BAZ1A: variants seen among roughly 807,000 people sequenced by gnomAD.
The protein encoded by BAZ1A is bromodomain adjacent to zinc finger domain protein 1A.
In BAZ1A, 50 loss-of-function variants were observed where a neutral mutation model predicts 185.2. That is an observed-to-expected ratio of 0.27 (90% CI 0.22 to 0.34). The LOEUF is 0.34. BAZ1A is among the 10% of genes least tolerant of loss of function. The pLI is 1.00. For missense variants in BAZ1A, 1,356 were observed against 1,839.9 expected, an observed-to-expected ratio of 0.74 and a Z score of 4.81; for synonymous variants, 571 against 615.6, an observed-to-expected ratio of 0.93 and a Z score of 1.07.
chr14:34,874,402 G>A lies in BAZ1A; in HGVS notation c.113+90C>T, dbSNP rs149876559. 7.0e-4 allele frequency: 895 copies of A among 1,286,212 alleles called. 7 individuals are homozygous for A. In the African/African-American group the frequency reaches 0.011, roughly 16 times the overall value. 79.7% of individuals were successfully genotyped at this position (1,286,212 alleles called of 1,614,324 possible). ...TCACTTTCAAGTCGCCCCGCCAGAA[G>A]CCCAGGGCGAGGAAAAGGAGAGAGA... On this transcript the variant is annotated intron_variant, in intron 2 of 26. Transcript: ENST00000360310. This position sits in a 1 kb window ranked among gnomAD's most constrained non-coding sequence, Gnocchi z 4.7.
At chr14:34,762,326 T>C in intron 23 of BAZ1A, 103 bp from the exon 24 acceptor site, 1 of 1,101,830 alleles carries the variant, frequency 9.1e-7, no homozygotes, top group Non-Finnish European at 1.3e-6. Flanking sequence ...TTATACAAAT[T>C]TTCTATATAA....
chr14:34,792,148 C>G (rs1009359583), intron 12 of BAZ1A, among the ~76,000 whole-genome samples: 1 of 152,176 alleles, frequency 6.6e-6, no homozygotes, highest in African/African-American at 2.4e-5. Flanking sequence ...CTTTGGGAGG[C>G]CAAGGCGGGT....
chr14:34,858,195 C>T (rs1379171025), intron 3 of BAZ1A, among the ~76,000 whole-genome samples: 1 of 152,166 alleles, frequency 6.6e-6, no homozygotes, highest in Non-Finnish European at 1.5e-5. Context: ...GAGGCGATGA[C>T]TGAACTGTAT....
At chr14:34,764,286 TTTC>T (rs1228101154) in intron 23 of BAZ1A, among the ~76,000 whole-genome samples, 1 of 126,480 alleles carries the variant, frequency 7.9e-6, no homozygotes, top group Non-Finnish European at 1.6e-5. Context: ...TCTTTTTTCT[TTTC>T]TTTTTTTTTT....
Position 34,826,094 on chromosome 14 carries a change from T to G in BAZ1A, c.455A>C (p.His152Pro). 6.2e-7 allele frequency: 1 copy of G among 1,612,426 alleles called. No homozygotes were observed. Among genetic ancestry groups the G allele is most frequent in the South Asian group, 1.1e-5 (1 of 90,788 alleles). The change falls in exon 4 of 27, where the codon CAT becomes CCT. Residue 152 changes from histidine (H) to proline (P), a missense_variant. By Grantham distance (77) the His-to-Pro change is moderately conservative (BLOSUM62 -2). This residue lies in a region of BAZ1A where 332 missense variants were observed against 395.3 expected (regional missense o/e 0.84). Transcript: ENST00000360310. ...PSHQNGFANG[H>P]VNSVDGETII... is the part of the protein sequence containing the mutation. ...AGTTTCTCCATCCACACTGTTAACA[T>G]GTCCATTAGCAAAACCATTTTGATG... is the stretch of plus-strand genomic sequence containing the variant.
At chr14:34,761,729 G>A (rs1886527899) in intron 24 of BAZ1A, 28 bp downstream of exon 24, 4 of 1,541,388 alleles carry the variant, frequency 2.6e-6, no homozygotes, top group Middle Eastern at 1.8e-4. Context: ...ATTTTCCTAG[G>A]GAAGGAAGAG....
intron 23 of BAZ1A, among the ~76,000 whole-genome samples, chr14:34,763,406 TG>T (rs1244286534): frequency 7.0e-6 from 1 of 143,154 alleles, no homozygotes; most frequent in African/African-American, 2.6e-5. Context: ...TCCACAAGAA[TG>T]GGGTTCAAAT....
intron 3 of BAZ1A, among the ~76,000 whole-genome samples, chr14:34,842,805 TTTAA>T (rs552682169): frequency 1.9e-3 from 284 of 152,134 alleles, no homozygotes; most frequent in Middle Eastern, 3.4e-3. Flanking sequence ...TTGGGCAAAT[TTTAA>T]TTAATTAACA....
chr14:34,821,781 T>C (rs760022392), intron 4 of BAZ1A, among the ~76,000 whole-genome samples: 1 of 151,938 alleles, frequency 6.6e-6, no homozygotes, highest in Non-Finnish European at 1.5e-5. Context: ...GGTTGGGAGT[T>C]CGCGACCAGC....
Position 34,811,027 on chromosome 14 carries a change from T to C in BAZ1A, c.546A>G (p.Lys182=), listed in dbSNP as rs531821341. Residue 182 remains lysine, a synonymous_variant, in exon 5 of 27, where the codon AAA becomes AAG. Coordinates refer to ENST00000360310, the MANE Select transcript of BAZ1A (RefSeq NM_013448.3). ...QSCSFQNGKK[K]DAIDPLLFKY... is the part of the protein sequence containing the mutation. The stretch of plus-strand genomic sequence containing the variant: ...TGAATAGTAAGGGATCAATTGCATC[T>C]TTTTTCTTCCTAAAAAGAAGAGGGA... The C allele has an allele frequency of 3.1e-5, 49 of 1,582,910 alleles. 1 individual carries two copies. In the East Asian group the frequency reaches 1.1e-3, roughly 35 times the overall value.
intron 21 of BAZ1A, among the ~76,000 whole-genome samples, chr14:34,767,707 G>A (rs997643150): frequency 6.6e-6 from 1 of 152,110 alleles, no homozygotes. Context: ...GAGGAAGCAC[G>A]AATAGCTAGT....
At position 34,874,164 on chromosome 14, in the gene BAZ1A, G is replaced by A. The variant is rs916919755; in HGVS notation, c.113+328C>T. Among the ~76,000 whole-genome samples the A allele has an allele frequency of 6.6e-6, 1 of 152,082 alleles. No homozygotes were observed. The highest frequency in any genetic ancestry group is 1.5e-5 in the Non-Finnish European group (1 of 67,964). ...CGGAGTGCGCGTGTGGCCGCGGCGG[G>A]GAGGGGCGAGGCGGGGAGTTTCCGC... On this transcript the variant is annotated intron_variant, in intron 2 of 26. Transcript: ENST00000360310. This position sits in a 1 kb window ranked among gnomAD's most constrained non-coding sequence, Gnocchi z 4.7.
At chr14:34,858,531 T>G (rs1378072842) in intron 3 of BAZ1A, among the ~76,000 whole-genome samples, 1 of 152,122 alleles carries the variant, frequency 6.6e-6, no homozygotes, top group African/African-American at 2.4e-5. Flanking sequence ...ACCAGGCTGG[T>G]CTCGAACTCC....
At position 34,869,165 on chromosome 14, in the gene BAZ1A, T is replaced by C. The variant is rs1380930875; in HGVS notation, c.113+5327A>G. Among the ~76,000 whole-genome samples the C allele has an allele frequency of 2.6e-5, 4 of 151,752 alleles. No homozygotes were observed. The South Asian group carries it at 8.3e-4, about 32-fold the overall frequency. ...GAGTTTGCAGTGAGCCGAGATCTCA[T>C]GACTGCACTCTAGCCTGGGTGGTAG... On this transcript the variant is annotated intron_variant, in intron 2 of 26. Coordinates refer to ENST00000360310, the MANE Select transcript of BAZ1A (RefSeq NM_013448.3).
At chr14:34,790,991 G>A (rs368543730) in intron 12 of BAZ1A, among the ~76,000 whole-genome samples, 2 of 151,974 alleles carry the variant, frequency 1.3e-5, no homozygotes, top group South Asian at 4.2e-4. Context: ...GCATGGTGGC[G>A]CATACCTGTA....
intron 21 of BAZ1A, among the ~76,000 whole-genome samples, chr14:34,767,052 A>G (rs1878895192): frequency 6.6e-6 from 1 of 152,252 alleles, no homozygotes; most frequent in South Asian, 2.1e-4. Flanking sequence ...TGGCTCTTCA[A>G]AGCTGACATG....
At chr14:34,875,030 A>C (rs2138857174) in intron 1 of BAZ1A, 108 bp downstream of exon 1, 1 of 209,938 alleles carries the variant, frequency 4.8e-6, no homozygotes, top group East Asian at 1.8e-4. Context: ...CGGCCAGCCC[A>C]ACGCCGCCAG....
At chr14:34,859,078 G>C (rs896844110) in intron 3 of BAZ1A, among the ~76,000 whole-genome samples, 4 of 152,128 alleles carry the variant, frequency 2.6e-5, no homozygotes, top group Non-Finnish European at 5.9e-5. Flanking sequence ...ACTGGTACAG[G>C]TACATCCCTT....
chr14:34,874,225 G>T lies in BAZ1A; in HGVS notation c.113+267C>A. On this transcript the variant is annotated intron_variant, in intron 2 of 26. Transcript: ENST00000360310. The surrounding 1 kb of genome is among the most constrained non-coding windows in gnomAD (Gnocchi z 4.7). The stretch of plus-strand genomic sequence containing the variant: ...CCAAGAGGGCGGGAGGGCGACAGCA[G>T]CGGCTAGGAGCGGTCCCCGAGGCCG... 1 of 355,722 alleles carries T rather than the reference G, an allele frequency of 2.8e-6. No individual in the cohort carries two copies. 22.0% of individuals were successfully genotyped at this position (355,722 alleles called of 1,614,324 possible). A position where few individuals can be genotyped will look rare whatever the true frequency, so the allele number is the denominator to read the frequency against.
Sources: gnomAD v4.1 joint callset for allele counts (sites outside exome capture counted in the v4.1 genomes callset) on GRCh38, gnomAD v4.1.1 for gene constraint, gnomAD v4.1.1 regional missense constraint, Gnocchi (gnomAD v3.1) non-coding constraint, MANE v1.5 for transcripts, NCBI Gene and HGNC (gene_info 2026-07-23, HGNC 2026-07-21) for gene names.